The following AFMID variants were observed in gnomAD, a reference collection of about 807,000 sequenced individuals.
AFMID encodes arylformamidase, also known as kynurenine formamidase.
A neutral mutation model predicts 47.5 loss-of-function variants in AFMID; 39 were observed. The ratio of observed to expected loss-of-function variants is 0.82; its 90% CI spans 0.64 to 1.07. AFMID has a LOEUF of 1.07. AFMID is among the 50% of genes least tolerant of loss of function. AFMID has a pLI of 0.00. For synonymous variants in AFMID, 130 were observed against 153.2 expected (o/e 0.85, Z 1.12); for missense variants, 375 against 387.5 (o/e 0.97, Z 0.27).
At chr17:78,203,362 CTTTT>C (rs61422242) in intron 4 of AFMID, 45,112 of 135,124 alleles carry the variant, frequency 0.33, 7,385 homozygotes, top group Admixed American at 0.42. Context: ...CACCAGCCTC[CTTTT>C]TTTTTTTTTT....
chr17:78,200,933 C>G (rs972024738), intron 2 of AFMID, among the ~76,000 whole-genome samples: 2 of 152,072 alleles, frequency 1.3e-5, no homozygotes, highest in African/African-American at 4.8e-5. Context: ...GAGTGCGTTG[C>G]TGCGGTGGGA....
intron 1 of AFMID, 140 bp from the exon 2 acceptor site, chr17:78,190,830 T>A: frequency 1.4e-6 from 1 of 693,494 alleles, no homozygotes; most frequent in Non-Finnish European, 2.5e-6. Context: ...AGACCATGGA[T>A]CTGAGGGCAT....
At position 78,197,115 on chromosome 17, in the gene AFMID, G is replaced by A. The variant is rs565366618; in HGVS notation, c.155-5384G>A. The A allele has an allele frequency of 5.1e-5, 78 of 1,531,186 alleles. 1 individual carries two copies. The South Asian group carries it at 7.9e-4, about 15-fold the overall frequency. 94.8% of individuals were successfully genotyped at this position (1,531,186 alleles called of 1,614,324 possible). On this transcript the variant is annotated intron_variant, in intron 2 of 10. Transcript: ENST00000409257. ...AAATTCCATGATGTTTTTCTTAATCGTAGCACAACTTTAATCTAGTCCATT... is the reference window on the plus strand; with the variant it reads ...AAATTCCATGATGTTTTTCTTAATCATAGCACAACTTTAATCTAGTCCATT...
At chr17:78,200,792 G>A (rs1395666034) in intron 2 of AFMID, among the ~76,000 whole-genome samples, 2 of 152,182 alleles carry the variant, frequency 1.3e-5, no homozygotes, top group Non-Finnish European at 2.9e-5. Flanking sequence ...CACTCAATTT[G>A]CAGTACTTTG....
intron 10 of AFMID, among the ~76,000 whole-genome samples, chr17:78,206,634 TTCCTTCTTCTTCTTCCTCCTTCC>T (rs1320446751): frequency 3.6e-5 from 4 of 111,774 alleles, no homozygotes; most frequent in Non-Finnish European, 7.2e-5. Flanking sequence ...CGTCGTCGTC[TTCCTTCTTCTTCTTCCTCCTTCC>T]TCCTTCATCT....
intron 2 of AFMID, among the ~76,000 whole-genome samples, chr17:78,196,910 C>A (rs2076129088): frequency 6.6e-6 from 1 of 152,084 alleles, no homozygotes; most frequent in Non-Finnish European, 1.5e-5. Context: ...ACTGGAGGGC[C>A]CTCTGTGGGG....
chr17:78,192,604 G>T (rs935689940), intron 2 of AFMID: 3 of 470,516 alleles, frequency 6.4e-6, no homozygotes, highest in African/African-American at 2.0e-5. Flanking sequence ...ATGAGCCACC[G>T]TGCCTGGACT....
At chr17:78,200,867 A>T (rs80353950) in intron 2 of AFMID, among the ~76,000 whole-genome samples, 7,776 of 152,288 alleles carry the variant, frequency 0.051, 221 homozygotes, top group African/African-American at 0.055. Context: ...TCCTGCAAAG[A>T]TGACTAGACC....
intron 2 of AFMID, among the ~76,000 whole-genome samples, chr17:78,201,426 C>T (rs2076239991): frequency 6.6e-6 from 1 of 152,022 alleles, no homozygotes; most frequent in South Asian, 2.1e-4. Context: ...CGAGACCAGC[C>T]TCGCCAATAC....
intron 2 of AFMID, among the ~76,000 whole-genome samples, chr17:78,200,909 G>C (rs1429914472): frequency 6.6e-6 from 1 of 152,154 alleles, no homozygotes; most frequent in Non-Finnish European, 1.5e-5. Flanking sequence ...CAGTGTCCTA[G>C]CTGTGAATAC....
chr17:78,205,986 T>C lies in AFMID; in HGVS notation c.821T>C (p.Leu274Pro). The change falls in exon 10 of 11, where the codon CTC becomes CCC. Residue 274 changes from leucine (L) to proline (P), a missense_variant. Leu to Pro is a moderately conservative substitution (Grantham distance 98). Coordinates refer to ENST00000409257, the MANE Select transcript of AFMID (RefSeq NM_001010982.5). ...GAGTGGAAAGCCTCATTTGAAGAGC[T>C]CCACGATGTGGACCACTTTGAAATT... Reference protein sequence around the residue: ...QGEWKASFEELHDVDHFEIVE... With the variant: ...QGEWKASFEEPHDVDHFEIVE... 6.2e-7 allele frequency: 1 copy of C among 1,613,886 alleles called. No individual in the cohort carries two copies. The highest frequency in any genetic ancestry group is 8.5e-7 in the Non-Finnish European group (1 of 1,179,992).
chr17:78,196,600 A>G (rs149044683), intron 2 of AFMID, among the ~76,000 whole-genome samples: 3 of 152,102 alleles, frequency 2.0e-5, no homozygotes, highest in East Asian at 1.9e-4. Flanking sequence ...AATAGCTTGA[A>G]CCCAGGTTGG....
chr17:78,205,088 C>T lies in AFMID; in HGVS notation c.468-5C>T, dbSNP rs75052584. 6.2e-7 allele frequency: 1 copy of T among 1,607,888 alleles called. No individual in the cohort carries two copies. Among genetic ancestry groups the T allele is most frequent in the Non-Finnish European group, 8.5e-7 (1 of 1,177,120 alleles). On this transcript the variant is annotated splice_region_variant and splice_polypyrimidine_tract_variant and intron_variant, in intron 6 of 10. Coordinates refer to ENST00000409257, the MANE Select transcript of AFMID (RefSeq NM_001010982.5). Reference sequence around the variant, plus strand: ...AATCCAGCTCTCTGCTCTGACCCCTCCCAGGGGAATTTACCTGTGTGGACA... The same window carrying T: ...AATCCAGCTCTCTGCTCTGACCCCTTCCAGGGGAATTTACCTGTGTGGACA...
chr17:78,205,034 G>T, intron 6 of AFMID, 59 bp from the exon 7 acceptor site: 1 of 1,564,414 alleles, frequency 6.4e-7, no homozygotes, highest in Admixed American at 1.8e-5. Context: ...CTTCGAAGGG[G>T]GCCTGATGTT....
chr17:78,193,948 C>G (rs1429077347), intron 2 of AFMID, among the ~76,000 whole-genome samples: 1 of 149,512 alleles, frequency 6.7e-6, no homozygotes, highest in Non-Finnish European at 1.5e-5. Context: ...TGCACTCCAG[C>G]CTGGGCGACA....
chr17:78,188,819 C>G (rs2075879087), intron 1 of AFMID, among the ~76,000 whole-genome samples: 1 of 151,972 alleles, frequency 6.6e-6, no homozygotes, highest in Admixed American at 6.6e-5. Context: ...GGATGGTCTC[C>G]AACTCCTGAC....
intron 2 of AFMID, among the ~76,000 whole-genome samples, 193 bp from the exon 3 acceptor site, chr17:78,202,306 G>C (rs553799552): frequency 2.6e-5 from 4 of 152,020 alleles, no homozygotes; most frequent in Admixed American, 2.6e-4. Flanking sequence ...GCGTGCACCT[G>C]TAGTCCCAGC....
chr17:78,201,997 TG>T (rs2076256631), intron 2 of AFMID, among the ~76,000 whole-genome samples: 1 of 151,590 alleles, frequency 6.6e-6, no homozygotes, highest in Non-Finnish European at 1.5e-5. Flanking sequence ...CCCAGAGTGC[TG>T]GGATTATAGG....
chr17:78,189,325 C>T (rs531769343), intron 1 of AFMID, among the ~76,000 whole-genome samples: 2 of 150,662 alleles, frequency 1.3e-5, no homozygotes, highest in East Asian at 2.0e-4. Flanking sequence ...CGAGTTCCAG[C>T]GATTCTCCTG....
Sources: gnomAD v4.1 joint callset for allele counts (sites outside exome capture counted in the v4.1 genomes callset) on GRCh38, gnomAD v4.1.1 for gene constraint, MANE v1.5 for transcripts, NCBI Gene and HGNC (gene_info 2026-07-23, HGNC 2026-07-21) for gene names.